The following UNC5D variants were observed in gnomAD, a reference collection of about 807,000 sequenced individuals.
UNC5D encodes the protein unc-5 netrin receptor D.
A neutral mutation model predicts 105.4 loss-of-function variants in UNC5D; 39 were observed. The observed-to-expected ratio is 0.37, with a 90% confidence interval of 0.29 to 0.48. The LOEUF (loss-of-function observed/expected upper bound fraction) is 0.48, where lower values mean the gene tolerates loss of function less well. Among genes scored for constraint, UNC5D ranks in the 20% least tolerant of loss-of-function variants. The pLI, the probability that UNC5D is intolerant of heterozygous loss-of-function variation, is 0.98. For missense variants in UNC5D, 991 were observed against 1,202.4 expected (o/e 0.82, Z 2.60); for synonymous variants, 452 against 450.4 (o/e 1.00, Z -0.04).
In UNC5D at chr8:35,549,366, C is replaced by A; in HGVS notation, c.178C>A (p.Pro60Thr). Reference sequence around the variant, plus strand: ...GACACTGCCTCATTTCATAGAGGAGCCAGATGATGCTTATATTATCAAGAG... The same window carrying A: ...GACACTGCCTCATTTCATAGAGGAGACAGATGATGCTTATATTATCAAGAG... ...PGTLPHFIEE[P>T]DDAYIIKSNP... Residue 60 changes from proline to threonine, a missense_variant, in exon 2 of 17, where the codon CCA (proline) becomes ACA (threonine). Transcript: ENST00000404895. The A allele has an allele frequency of 6.2e-7, 1 of 1,613,508 alleles. No homozygotes were observed. Among genetic ancestry groups the A allele is most frequent in the Non-Finnish European group, 8.5e-7 (1 of 1,180,014 alleles).
At chr8:35,712,721 T>C (rs16884285) in intron 8 of UNC5D, among the ~76,000 whole-genome samples, 12,863 of 152,118 alleles carry the variant, frequency 0.085, 1,183 homozygotes, top group African/African-American at 0.22. Context: ...GTACTGGCAA[T>C]TTAGCATGCT....
At chr8:35,766,689 A>G (rs1298444095) in intron 14 of UNC5D, among the ~76,000 whole-genome samples, 1 of 152,226 alleles carries the variant, frequency 6.6e-6, no homozygotes, top group African/African-American at 2.4e-5. Context: ...GTTGGAATTG[A>G]CATTAATTAC....
At chr8:35,554,099 C>G (rs1261750085) in intron 2 of UNC5D, among the ~76,000 whole-genome samples, 1 of 152,128 alleles carries the variant, frequency 6.6e-6, no homozygotes, top group Non-Finnish European at 1.5e-5. Flanking sequence ...TGCATAGGAC[C>G]TGGGAGTGTT....
intron 4 of UNC5D, among the ~76,000 whole-genome samples, chr8:35,635,156 T>C (rs1822282499): frequency 6.6e-6 from 1 of 152,190 alleles, no homozygotes; most frequent in Non-Finnish European, 1.5e-5. Flanking sequence ...AGCACCGTAA[T>C]ATACATCGTG....
At chr8:35,601,133 G>A (rs1819851209) in intron 4 of UNC5D, among the ~76,000 whole-genome samples, 1 of 151,928 alleles carries the variant, frequency 6.6e-6, no homozygotes, top group African/African-American at 2.4e-5. Flanking sequence ...TATGTCTGAG[G>A]GCTCCGTTCT....
chr8:35,596,197 T>C (rs568655784), intron 4 of UNC5D, among the ~76,000 whole-genome samples: 2 of 152,332 alleles, frequency 1.3e-5, no homozygotes, highest in South Asian at 2.1e-4. Context: ...TGATCTGTTA[T>C]CCTTCCTTCA....
intron 3 of UNC5D, among the ~76,000 whole-genome samples, chr8:35,575,327 A>AC (rs1818016992): frequency 6.6e-6 from 1 of 152,196 alleles, no homozygotes; most frequent in African/African-American, 2.4e-5. Context: ...AGTGTAGGAT[A>AC]TGGCTCTAGA....
At chr8:35,442,865 CTCTCTCTCTCTCTCTCTGTT>C (rs1474372719) in intron 1 of UNC5D, among the ~76,000 whole-genome samples, 1 of 146,254 alleles carries the variant, frequency 6.8e-6, no homozygotes, top group Non-Finnish European at 1.5e-5. Context: ...CCATCTCTCT[CTCTCTCTCTCTCTCTCTGTT>C]TCTCTCTCTC....
At chr8:35,454,866 G>A (rs1585880597) in intron 1 of UNC5D, among the ~76,000 whole-genome samples, 1 of 152,152 alleles carries the variant, frequency 6.6e-6, no homozygotes, top group Non-Finnish European at 1.5e-5. Flanking sequence ...GTACACGGGT[G>A]AGGAATTGTC....
chr8:35,641,121 A>C (rs537260290), intron 4 of UNC5D, among the ~76,000 whole-genome samples: 1 of 152,230 alleles, frequency 6.6e-6, no homozygotes, highest in East Asian at 1.9e-4. Flanking sequence ...ATTAGGGTTA[A>C]GAAATTTCCC....
intron 8 of UNC5D, 72 bp downstream of exon 8, chr8:35,706,033 A>T: frequency 9.6e-7 from 1 of 1,036,462 alleles, no homozygotes; most frequent in Non-Finnish European, 1.4e-6. Context: ...TTTGTTTAGG[A>T]GCTGAGCAGA....
intron 1 of UNC5D, among the ~76,000 whole-genome samples, chr8:35,241,391 A>C (rs1302389250): frequency 6.6e-6 from 1 of 152,132 alleles, no homozygotes; most frequent in Non-Finnish European, 1.5e-5. Context: ...TCTTGAAAGG[A>C]GTATGTTTTC....
chr8:35,350,830 T>G (rs1812184012), intron 1 of UNC5D, among the ~76,000 whole-genome samples: 1 of 152,102 alleles, frequency 6.6e-6, no homozygotes, highest in Non-Finnish European at 1.5e-5. Context: ...TTCCAATCTG[T>G]GCACTCTCTT....
chr8:35,412,277 G>C (rs1805225196), intron 1 of UNC5D, among the ~76,000 whole-genome samples: 1 of 152,036 alleles, frequency 6.6e-6, no homozygotes, highest in South Asian at 2.1e-4. Flanking sequence ...CTCACTGACA[G>C]TAATGGGGAG....
At chr8:35,447,994 C>A (rs906303490) in intron 1 of UNC5D, among the ~76,000 whole-genome samples, 9 of 152,064 alleles carry the variant, frequency 5.9e-5, no homozygotes, top group Non-Finnish European at 2.9e-5. Context: ...ATTTTTATAT[C>A]TCTTTTCCAG....
chr8:35,236,029 G>C (rs772575765), intron 1 of UNC5D, 142 bp downstream of exon 1: 21 of 700,032 alleles, frequency 3.0e-5, no homozygotes, highest in Non-Finnish European at 3.9e-5. Flanking sequence ...TGGGAGCCGA[G>C]TGGAGGACTC....
At chr8:35,590,230 A>G (rs1484081679) in intron 3 of UNC5D, among the ~76,000 whole-genome samples, 1 of 152,036 alleles carries the variant, frequency 6.6e-6, no homozygotes. Context: ...GATGTTGCTT[A>G]TAATGTTTTA....
chr8:35,293,698 T>C (rs142887524), intron 1 of UNC5D, among the ~76,000 whole-genome samples: 194 of 152,316 alleles, frequency 1.3e-3, no homozygotes, highest in African/African-American at 4.5e-3. Flanking sequence ...CCAACAGGAA[T>C]TTATTGTGTC....
intron 1 of UNC5D, among the ~76,000 whole-genome samples, chr8:35,337,454 T>A (rs924842291): frequency 6.6e-5 from 10 of 152,218 alleles, no homozygotes; most frequent in Admixed American, 2.0e-4. Flanking sequence ...CCTAGTAACA[T>A]TTTACTTACG....
Sources: allele counts gnomAD v4.1 joint callset (sites outside exome capture counted in the v4.1 genomes callset), GRCh38; gene constraint gnomAD v4.1.1; transcripts MANE v1.5; gene names NCBI Gene and HGNC (gene_info 2026-07-23, HGNC 2026-07-21).